The following CREM variants were observed in gnomAD, a reference collection of about 807,000 sequenced individuals.
CREM encodes cAMP-responsive element modulator.
Under a neutral mutation model 37.3 loss-of-function variants are expected in CREM, and 13 were observed. The ratio of observed to expected loss-of-function variants is 0.35; its 90% CI spans 0.23 to 0.55. The LOEUF (loss-of-function observed/expected upper bound fraction) is 0.55. CREM is among the 20% of genes least tolerant of loss of function. The pLI, the probability that CREM is intolerant of heterozygous loss-of-function variation, is 0.88. For missense variants in CREM, 296 were observed against 362.3 expected, an observed-to-expected ratio of 0.82 and a Z score of 1.49; for synonymous variants, 124 against 120.2, an observed-to-expected ratio of 1.03 and a Z score of -0.21.
chr10:35,149,732 T>C (rs1391171326), intron 3 of CREM, among the ~76,000 whole-genome samples: 1 of 152,140 alleles, frequency 6.6e-6, no homozygotes, highest in African/African-American at 2.4e-5. Flanking sequence ...TCTCCTTTCC[T>C]GTGCACCCAG....
chr10:35,163,617 AGACCAG>A (rs2093398921), intron 3 of CREM, among the ~76,000 whole-genome samples: 2 of 152,296 alleles, frequency 1.3e-5, no homozygotes, highest in East Asian at 3.9e-4. Flanking sequence ...CAGGAGTTCA[AGACCAG>A]CCTGGCCAAC....
At chr10:35,197,427 T>TATTC (rs2095234093) in intron 6 of CREM, among the ~76,000 whole-genome samples, 1 of 128,828 alleles carries the variant, frequency 7.8e-6, no homozygotes, top group African/African-American at 3.4e-5. Context: ...TTTATTTATT[T>TATTC]ATTTATTTAT....
At chr10:35,204,516 C>T (rs889928746) in intron 6 of CREM, among the ~76,000 whole-genome samples, 2 of 150,538 alleles carry the variant, frequency 1.3e-5, no homozygotes, top group South Asian at 4.2e-4. Context: ...AAGAGAATCA[C>T]TTGAACCAGG....
At chr10:35,185,510 C>T (rs938816215) in intron 5 of CREM, among the ~76,000 whole-genome samples, 6 of 152,134 alleles carry the variant, frequency 3.9e-5, no homozygotes, top group African/African-American at 1.4e-4. Flanking sequence ...AATACACATT[C>T]AAATATATGA....
At chr10:35,208,883 T>C (rs140236580) in intron 7 of CREM, among the ~76,000 whole-genome samples, 34 of 152,370 alleles carry the variant, frequency 2.2e-4, no homozygotes, top group African/African-American at 7.7e-4. Context: ...ACAAGAGAAA[T>C]GCAGATGATA....
At chr10:35,183,931 G>A (rs1438403200) in intron 5 of CREM, among the ~76,000 whole-genome samples, 2 of 152,128 alleles carry the variant, frequency 1.3e-5, no homozygotes, top group African/African-American at 4.8e-5. Context: ...AAAATTAGCC[G>A]GGTGTGGTGG....
chr10:35,128,162 C>G (rs1367422149), intron 1 of CREM, among the ~76,000 whole-genome samples: 1 of 152,042 alleles, frequency 6.6e-6, no homozygotes, highest in Non-Finnish European at 1.5e-5. Flanking sequence ...GATCCTGTTG[C>G]GTTTTATTTG....
rs1304812445 is a variant in CREM at position 35,187,077 on chromosome 10, TATATATAATATATA to T, written c.410-1115_410-1102del. 3.2e-3 allele frequency among the ~76,000 whole-genome samples: 173 copies of T among 54,182 alleles called. 1 individual carries two copies. Among genetic ancestry groups the T allele is most frequent in the African/African-American group, 0.01 (166 of 15,946 alleles). The allele number at this position is 54,182 out of a possible 152,430, so 35.5% of individuals were successfully genotyped here. ...TTAATATATATAATTAATATAATAA[TATATATAATATATA>T]ATATATATGATATATATTATATAAA... On this transcript the variant is annotated intron_variant, in intron 5 of 7. Coordinates refer to ENST00000685392, the MANE Select transcript of CREM (RefSeq NM_183011.2).
intron 3 of CREM, among the ~76,000 whole-genome samples, chr10:35,155,492 T>C (rs1232533718): frequency 6.6e-6 from 1 of 152,224 alleles, no homozygotes; most frequent in Non-Finnish European, 1.5e-5. Flanking sequence ...AGTGAATATG[T>C]TATGTGTCTT....
chr10:35,132,668 A>G (rs977249963), intron 1 of CREM, among the ~76,000 whole-genome samples: 4 of 152,228 alleles, frequency 2.6e-5, no homozygotes, highest in African/African-American at 9.6e-5. Flanking sequence ...TTGCTTCATA[A>G]AGAGTATAAG....
chr10:35,192,592 G>A (rs532123589), intron 6 of CREM, among the ~76,000 whole-genome samples: 69 of 152,178 alleles, frequency 4.5e-4, no homozygotes, highest in Non-Finnish European at 7.6e-4. Flanking sequence ...TAGGTAATCC[G>A]TCCATCTCGG....
At chr10:35,184,342 C>T (rs1194072822) in intron 5 of CREM, among the ~76,000 whole-genome samples, 1 of 152,192 alleles carries the variant, frequency 6.6e-6, no homozygotes, top group Non-Finnish European at 1.5e-5. Flanking sequence ...ATTGAAAGCA[C>T]ATGTTATGCT....
chr10:35,166,598 G>A (rs534912412), intron 3 of CREM, among the ~76,000 whole-genome samples: 8 of 151,510 alleles, frequency 5.3e-5, no homozygotes, highest in East Asian at 1.9e-4. Context: ...GTGTGGTGGC[G>A]GGCACCTGTA....
chr10:35,175,696 C>T, intron 3 of CREM: 1 of 1,614,144 alleles, frequency 6.2e-7, no homozygotes. Flanking sequence ...ACAGTAACCA[C>T]CTCCCGATGG....
intron 3 of CREM, chr10:35,175,784 A>G: frequency 1.2e-6 from 2 of 1,613,766 alleles, no homozygotes; most frequent in Non-Finnish European, 1.7e-6. Flanking sequence ...GAGTGGTATT[A>G]CTTAAAAATA....
intron 5 of CREM, among the ~76,000 whole-genome samples, chr10:35,187,120 A>G (rs1217924951): frequency 8.3e-4 from 66 of 79,874 alleles, no homozygotes; most frequent in Non-Finnish European, 1.3e-3. Flanking sequence ...ATATAAATAT[A>G]TAAATATATT....
intron 3 of CREM, chr10:35,154,076 G>T (rs563477829): frequency 7.5e-6 from 3 of 398,416 alleles, no homozygotes; most frequent in Non-Finnish European, 1.3e-5. Flanking sequence ...AATGTGTAAG[G>T]AGTCCCTCGG....
chr10:35,178,844 A>AGAGCATAT, intron 3 of CREM, 45 bp from the exon 4 acceptor site: 1 of 1,498,884 alleles, frequency 6.7e-7, no homozygotes, highest in Non-Finnish European at 9.2e-7. Flanking sequence ...ATGAGGGAAA[A>AGAGCATAT]GAGCATATAT....
intron 3 of CREM, among the ~76,000 whole-genome samples, chr10:35,149,501 C>CCAA (rs1432923550): frequency 2.6e-5 from 4 of 152,076 alleles, no homozygotes; most frequent in African/African-American, 9.7e-5. Context: ...TCAGTTTTGA[C>CCAA]ACTAGTAGCC....
Sources: gnomAD v4.1 joint callset for allele counts (sites outside exome capture counted in the v4.1 genomes callset) on GRCh38, gnomAD v4.1.1 for gene constraint, MANE v1.5 for transcripts, NCBI Gene and HGNC (gene_info 2026-07-23, HGNC 2026-07-21) for gene names.